SCAPER: variants seen among roughly 807,000 people sequenced by gnomAD.
SCAPER encodes S-phase cyclin A associated protein in the ER.
In SCAPER, 98 loss-of-function variants were observed where a neutral mutation model predicts 182.2. The ratio of observed to expected loss-of-function variants is 0.54; its 90% confidence interval spans 0.46 to 0.64. SCAPER has a LOEUF of 0.64. SCAPER is among the 30% of genes least tolerant of loss of function. The pLI is 0.00. For missense variants in SCAPER, 1,432 were observed against 1,690.0 expected (o/e 0.85, Z 2.68); for synonymous variants, 605 against 564.6 (o/e 1.07, Z -1.01).
intron 20 of SCAPER, among the ~76,000 whole-genome samples, chr15:76,690,055 C>A (rs2058266918): frequency 6.6e-6 from 1 of 151,976 alleles, no homozygotes. Flanking sequence ...ATCCCTCCCA[C>A]AGGTATCCCA....
chr15:76,363,853 C>A (rs537167822), intron 29 of SCAPER, among the ~76,000 whole-genome samples: 1 of 152,312 alleles, frequency 6.6e-6, no homozygotes, highest in Admixed American at 6.5e-5. Context: ...GCAGCAGCTG[C>A]GGTGGCCAGG....
chr15:76,407,067 T>C (rs561123784), intron 26 of SCAPER, among the ~76,000 whole-genome samples: 15 of 152,268 alleles, frequency 9.9e-5, no homozygotes, highest in Middle Eastern at 3.4e-3. Context: ...CAAGTAGAGA[T>C]AAGTAGAATT....
At chr15:76,506,719 T>C (rs1334778466) in intron 23 of SCAPER, among the ~76,000 whole-genome samples, 6 of 152,154 alleles carry the variant, frequency 3.9e-5, no homozygotes, top group African/African-American at 1.4e-4. Context: ...CCTAACAATA[T>C]AGACTTCCAC....
chr15:76,451,450 T>A (rs1480220470), intron 25 of SCAPER, among the ~76,000 whole-genome samples: 1 of 152,212 alleles, frequency 6.6e-6, no homozygotes. Flanking sequence ...GCACACTTTA[T>A]AAAACACAGG....
intron 26 of SCAPER, among the ~76,000 whole-genome samples, chr15:76,410,462 A>C (rs543531485): frequency 6.6e-6 from 1 of 152,372 alleles, no homozygotes; most frequent in Non-Finnish European, 1.5e-5. Flanking sequence ...ATTTTGGCTT[A>C]ATGGGCCAGG....
At chr15:76,554,788 C>T (rs921040754) in intron 23 of SCAPER, among the ~76,000 whole-genome samples, 5 of 71,120 alleles carry the variant, frequency 7.0e-5, no homozygotes, top group African/African-American at 9.9e-5. Context: ...ATTCAGCATT[C>T]TTTTTTTTTT....
intron 4 of SCAPER, among the ~76,000 whole-genome samples, chr15:76,843,648 G>A (rs1599045212): frequency 1.3e-5 from 2 of 152,114 alleles, no homozygotes; most frequent in East Asian, 3.9e-4. Context: ...AAGAAAGGTA[G>A]AAAAGACACA....
At chr15:76,860,259 A>T (rs2071769491) in intron 3 of SCAPER, among the ~76,000 whole-genome samples, 1 of 152,146 alleles carries the variant, frequency 6.6e-6, no homozygotes, top group South Asian at 2.1e-4. Flanking sequence ...TAATATACAG[A>T]ATTTTTTTTA....
At chr15:76,686,846 A>G (rs975638135) in intron 20 of SCAPER, among the ~76,000 whole-genome samples, 1 of 152,134 alleles carries the variant, frequency 6.6e-6, no homozygotes, top group Non-Finnish European at 1.5e-5. Flanking sequence ...AACCAAAATA[A>G]AAGTATACAT....
chr15:76,804,442 A>G (rs539595779), intron 6 of SCAPER, 91 bp downstream of exon 6: 1 of 753,272 alleles, frequency 1.3e-6, no homozygotes, highest in Admixed American at 3.2e-5. Context: ...ACAAGTTTCA[A>G]CTCAATATGA....
At chr15:76,778,474 T>C (rs190040698) in intron 8 of SCAPER, among the ~76,000 whole-genome samples, 1 of 152,126 alleles carries the variant, frequency 6.6e-6, no homozygotes, top group East Asian at 1.9e-4. Context: ...AAGTACCCCA[T>C]AGACAGGCAA....
intron 14 of SCAPER, among the ~76,000 whole-genome samples, chr15:76,761,571 T>G (rs994318139): frequency 5.3e-5 from 8 of 152,174 alleles, no homozygotes; most frequent in Admixed American, 1.3e-4. Context: ...CAACTGTATG[T>G]TTAGTTTTCA....
chr15:76,887,604 C>T lies in SCAPER; in HGVS notation c.-59-3728G>A, dbSNP rs905335901. Among the ~76,000 whole-genome samples the T allele has an allele frequency of 3.3e-5, 5 of 152,176 alleles. No homozygotes were observed. In the South Asian group the frequency reaches 8.3e-4, roughly 25 times the overall value. On this transcript the variant is annotated intron_variant, in intron 1 of 31. Coordinates refer to ENST00000563290, the MANE Select transcript of SCAPER (RefSeq NM_020843.4). ...AGGCTGCAGCCCAGTCAGGGAGGAG[C>T]GTCCACAATTGCTGAGGCATGAGTA...
chr15:76,881,842 T>C (rs1007894191), intron 2 of SCAPER, among the ~76,000 whole-genome samples: 5 of 152,200 alleles, frequency 3.3e-5, no homozygotes, highest in Non-Finnish European at 7.3e-5. Flanking sequence ...ACCACTGAAC[T>C]GTATACTTAA....
At chr15:76,849,581 T>C (rs1273837548) in intron 4 of SCAPER, among the ~76,000 whole-genome samples, 1 of 152,026 alleles carries the variant, frequency 6.6e-6, no homozygotes, top group Non-Finnish European at 1.5e-5. Flanking sequence ...AGCCACAATC[T>C]AAAGGCAATG....
At chr15:76,577,501 C>T (rs962485606) in intron 22 of SCAPER, among the ~76,000 whole-genome samples, 3 of 152,126 alleles carry the variant, frequency 2.0e-5, no homozygotes, top group Non-Finnish European at 2.9e-5. Context: ...AACTTGGAAA[C>T]CAGCTCAGCC....
chr15:76,868,035 T>C (rs2072420130), intron 2 of SCAPER, among the ~76,000 whole-genome samples: 1 of 151,718 alleles, frequency 6.6e-6, no homozygotes, highest in South Asian at 2.1e-4. Context: ...GATAGAGTCA[T>C]AAGATAAAAA....
At chr15:76,541,501 G>A (rs958352018) in intron 23 of SCAPER, among the ~76,000 whole-genome samples, 28 of 152,110 alleles carry the variant, frequency 1.8e-4, no homozygotes, top group Admixed American at 1.8e-3. Context: ...TTACTCTGTC[G>A]GTGATGGACA....
At chr15:76,766,584 C>T (rs62028734) in intron 11 of SCAPER, among the ~76,000 whole-genome samples, 11,757 of 151,716 alleles carry the variant, frequency 0.077, 515 homozygotes, top group Middle Eastern at 0.11. Flanking sequence ...CCAATCCTAC[C>T]GCCTTGGCCT....
Sources: allele counts gnomAD v4.1 joint callset (sites outside exome capture counted in the v4.1 genomes callset), GRCh38; gene constraint gnomAD v4.1.1; transcripts MANE v1.5; gene names NCBI Gene and HGNC (gene_info 2026-07-23, HGNC 2026-07-21).